The following COPG2 variants were observed in gnomAD, a reference collection of about 807,000 sequenced individuals.
COPG2 encodes coatomer subunit gamma-2.
COPG2 carries 37 observed loss-of-function variants against 46.3 expected under a neutral mutation model. The observed-to-expected ratio is 0.80, with a 90% CI of 0.61 to 1.05. COPG2 has a LOEUF of 1.05. Among genes scored for constraint, COPG2 ranks in the 50% least tolerant of loss-of-function variants. The pLI is 0.00. For missense variants in COPG2, 427 were observed against 387.8 expected, an observed-to-expected ratio of 1.10 and a Z score of -0.85; for synonymous variants, 159 against 129.7, an observed-to-expected ratio of 1.23 and a Z score of -1.53.
chr7:130,566,151 G>A (rs1277083268), intron 9 of COPG2, among the ~76,000 whole-genome samples: 3 of 152,206 alleles, frequency 2.0e-5, no homozygotes, highest in African/African-American at 4.8e-5. Flanking sequence ...ACACATCAGA[G>A]TGAAACTGTT....
intron 4 of COPG2, among the ~76,000 whole-genome samples, chr7:130,660,221 C>G (rs980965438): frequency 7.9e-5 from 12 of 152,180 alleles, no homozygotes; most frequent in African/African-American, 2.9e-4. Context: ...ACCTCAGTCA[C>G]TACAAAAAGC....
chr7:130,602,919 C>A (rs1189998237), intron 9 of COPG2: 2 of 152,036 alleles, frequency 1.3e-5, no homozygotes, highest in East Asian at 3.8e-4. Flanking sequence ...TAAACTAATA[C>A]CACCTTCTAC....
At chr7:130,650,355 A>C (rs1554458907) in intron 5 of COPG2, among the ~76,000 whole-genome samples, 1 of 152,186 alleles carries the variant, frequency 6.6e-6, no homozygotes, top group East Asian at 1.9e-4. Context: ...CACAACTACT[A>C]ATCACTTAAA....
At chr7:130,514,564 T>A (rs1345308944) in intron 20 of COPG2, among the ~76,000 whole-genome samples, 3 of 152,226 alleles carry the variant, frequency 2.0e-5, no homozygotes, top group Admixed American at 2.0e-4. Context: ...ACAGAGTCCA[T>A]CTGAATGAAA....
intron 20 of COPG2, among the ~76,000 whole-genome samples, chr7:130,509,515 G>C (rs1554440732): frequency 6.6e-6 from 1 of 152,172 alleles, no homozygotes; most frequent in Non-Finnish European, 1.5e-5. Flanking sequence ...GGAGAGGAAA[G>C]AACAGGCTCA....
intron 4 of COPG2, among the ~76,000 whole-genome samples, chr7:130,657,090 A>G (rs1554460008): frequency 6.6e-6 from 1 of 151,898 alleles, no homozygotes; most frequent in African/African-American, 2.4e-5. Context: ...AAAGATTTGC[A>G]CTATAAAACT....
chr7:130,658,718 T>C (rs1227492540), intron 4 of COPG2, among the ~76,000 whole-genome samples: 1 of 151,986 alleles, frequency 6.6e-6, no homozygotes, highest in African/African-American at 2.4e-5. Flanking sequence ...TCTTGCACTG[T>C]TACCTGGGCT....
At chr7:130,613,189 A>G (rs943705148) in intron 7 of COPG2, among the ~76,000 whole-genome samples, 28 of 152,094 alleles carry the variant, frequency 1.8e-4, no homozygotes, top group Non-Finnish European at 2.9e-4. Context: ...TTAGATTCTC[A>G]TATGAGGCCG....
At chr7:130,646,985 ATATATATATATGTG>A (rs1795616620) in intron 5 of COPG2, among the ~76,000 whole-genome samples, 2 of 768 alleles carry the variant, frequency 2.6e-3, no homozygotes, top group South Asian at 0.016. Context: ...ATATATATGT[ATATATATATATGTG>A]TATATATATA....
At chr7:130,554,287 C>T (rs1035664427) in intron 14 of COPG2, among the ~76,000 whole-genome samples, 194 bp downstream of exon 14, 4 of 152,142 alleles carry the variant, frequency 2.6e-5, no homozygotes, top group South Asian at 2.1e-4. Context: ...TTACTGAAAG[C>T]GAAGGGTTAT....
intron 20 of COPG2, among the ~76,000 whole-genome samples, chr7:130,542,475 C>G (rs878936684): frequency 4.6e-5 from 7 of 151,872 alleles, no homozygotes; most frequent in African/African-American, 1.5e-4. Context: ...CTCAGTACAG[C>G]AGGTTGAGGA....
In COPG2 at chr7:130,652,959, A is replaced by T; in HGVS notation, c.244-11T>A. On this transcript the variant is annotated splice_polypyrimidine_tract_variant and intron_variant, in intron 4 of 23. Transcript: ENST00000425248. ...TCTCCTCAATGTTTGCTGAAAAATC[A>T]TTTATAAAAGGTAACAGATTATTGA... is the stretch of plus-strand genomic sequence containing the variant. 6.4e-7 allele frequency: 1 copy of T among 1,564,952 alleles called. No homozygotes were observed. Among genetic ancestry groups the T allele is most frequent in the Non-Finnish European group, 8.7e-7 (1 of 1,142,998 alleles).
In COPG2 at chr7:130,512,730, G is replaced by A. The variant is rs548478334; in HGVS notation, c.2150-4071C>T. Among the ~76,000 whole-genome samples the A allele has an allele frequency of 8.5e-5, 13 of 152,164 alleles. No homozygotes were observed. The South Asian group carries it at 2.7e-3, about 32-fold the overall frequency. On this transcript the variant is annotated intron_variant, in intron 20 of 23. Transcript: ENST00000425248. ...ACTGCACTCTAACCTGGGTGACAGA[G>A]TGAGTTTCCGTCTCAAAAAAAGAAA...
At chr7:130,605,757 A>G (rs1554451134) in intron 9 of COPG2, 5 of 519,900 alleles carry the variant, frequency 9.6e-6, no homozygotes, top group Non-Finnish European at 1.5e-5. Context: ...AGCCTCCAGT[A>G]AGCAACAGCA....
rs143683633 is a variant in COPG2, at chr7:130,598,968, C to T, written c.737+11985G>A. Among the ~76,000 whole-genome samples the T allele has an allele frequency of 6.3e-3, 966 of 152,256 alleles. 12 individuals carry two copies. The highest frequency in any genetic ancestry group is 0.014 in the Admixed American group (210 of 15,292). ...ATGTCTTCTAGGTTGCAAAGTTCCA[C>T]GTCAAAATGATGGTCATGCAAGGAT... is the stretch of plus-strand genomic sequence containing the variant. On this transcript the variant is annotated intron_variant, in intron 9 of 23. Transcript: ENST00000425248.
At chr7:130,646,873 AT>A (rs1795603832) in intron 5 of COPG2, among the ~76,000 whole-genome samples, 3 of 150,660 alleles carry the variant, frequency 2.0e-5, no homozygotes, top group African/African-American at 7.3e-5. Context: ...CTGTGAGTCA[AT>A]TACACCCCTT....
chr7:130,605,892 TA>T, intron 9 of COPG2: 4 of 397,360 alleles, frequency 1.0e-5, no homozygotes, highest in Admixed American at 3.2e-5. Context: ...ATGGCAACAA[TA>T]AAAAAAACTA....
intron 20 of COPG2, among the ~76,000 whole-genome samples, chr7:130,523,591 T>C (rs1799746317): frequency 6.6e-6 from 1 of 152,070 alleles, no homozygotes; most frequent in Non-Finnish European, 1.5e-5. Flanking sequence ...AGGACAAGGA[T>C]GACAGCTAAC....
At chr7:130,605,800 G>A (rs782816618) in intron 9 of COPG2, 7 of 519,372 alleles carry the variant, frequency 1.3e-5, no homozygotes, top group African/African-American at 7.7e-5. Context: ...GCCCCATGAG[G>A]CCTGTGTCAG....
Sources: allele counts gnomAD v4.1 joint callset (sites outside exome capture counted in the v4.1 genomes callset), GRCh38; gene constraint gnomAD v4.1.1; transcripts MANE v1.5; gene names NCBI Gene and HGNC (gene_info 2026-07-23, HGNC 2026-07-21).